PHF24: variants seen among roughly 807,000 people sequenced by gnomAD.
The protein encoded by PHF24 is PHD finger protein 24.
PHF24 carries 25 observed loss-of-function variants against 42.6 expected under a neutral mutation model. The ratio of observed to expected loss-of-function variants is 0.59; its 90% CI spans 0.43 to 0.82. PHF24 has a LOEUF of 0.82. Ranked by LOEUF, PHF24 falls within the 40% of genes least tolerant of loss-of-function variation. The probability of loss-of-function intolerance (pLI) is 0.00; values close to 1 mark genes in which losing one functional copy is unlikely to be tolerated. For synonymous variants in PHF24, 185 were observed against 204.8 expected (o/e 0.90, Z 0.83); for missense variants, 470 against 538.1 (o/e 0.87, Z 1.25).
the PHF24 span, among the ~76,000 whole-genome samples, chr9:34,751,767 C>T: frequency 1.3e-5 from 2 of 152,232 alleles, no homozygotes; most frequent in African/African-American, 4.8e-5. Flanking sequence ...CTCCTCAGCA[C>T]ATGGATCATT....
At chr9:34,831,637 C>G in the PHF24 span, among the ~76,000 whole-genome samples, 1 of 152,164 alleles carries the variant, frequency 6.6e-6, no homozygotes, top group African/African-American at 2.4e-5. Context: ...TTTCTCTATT[C>G]TCATGTCCTG....
the PHF24 span, among the ~76,000 whole-genome samples, chr9:34,902,073 A>G: frequency 6.6e-6 from 1 of 152,242 alleles, no homozygotes; most frequent in South Asian, 2.1e-4. Flanking sequence ...ATACCTTACT[A>G]ATAAAGTAAA....
At chr9:34,921,719 G>C in the PHF24 span, among the ~76,000 whole-genome samples, 523 of 152,266 alleles carry the variant, frequency 3.4e-3, 4 homozygotes, top group Middle Eastern at 0.041. Context: ...TTAACATGTG[G>C]TATCTGTGGG....
chr9:34,926,684 G>A, the PHF24 span, among the ~76,000 whole-genome samples: 1 of 152,062 alleles, frequency 6.6e-6, no homozygotes, highest in Non-Finnish European at 1.5e-5. The surrounding 1 kb of genome is among the most constrained non-coding windows in gnomAD (Gnocchi z 4.3). Context: ...AGACAGGTCT[G>A]GGGGCAGGCA....
the PHF24 span, among the ~76,000 whole-genome samples, chr9:34,674,131 C>T: frequency 1.8e-4 from 27 of 152,228 alleles, 1 homozygote; most frequent in East Asian, 2.3e-3. Flanking sequence ...CGTTTGCAAC[C>T]GAAAAAGCCC....
chr9:34,964,201 C>T (rs1237766906), intron 1 of PHF24, among the ~76,000 whole-genome samples: 2 of 152,124 alleles, frequency 1.3e-5, no homozygotes, highest in African/African-American at 4.8e-5. Context: ...CTTGTTCCTT[C>T]CTAGGGAAGC....
the PHF24 span, among the ~76,000 whole-genome samples, chr9:34,825,829 C>T: frequency 1.3e-5 from 2 of 152,152 alleles, no homozygotes; most frequent in African/African-American, 4.8e-5. Flanking sequence ...CGTATCTTCC[C>T]CCTCTGCCCT....
At chr9:34,966,754 T>G (rs1269050925) in intron 1 of PHF24, among the ~76,000 whole-genome samples, 1 of 152,286 alleles carries the variant, frequency 6.6e-6, no homozygotes, top group South Asian at 2.1e-4. Context: ...GTAGTGGCTA[T>G]TCACAGGCAC....
the PHF24 span, among the ~76,000 whole-genome samples, chr9:34,897,469 T>C: frequency 6.6e-6 from 1 of 152,246 alleles, no homozygotes; most frequent in African/African-American, 2.4e-5. Context: ...ACAACCATCT[T>C]ATTCATAAAT....
At chr9:34,972,251 ACT>A in intron 2 of PHF24, 93 bp from the exon 3 acceptor site, 2 of 1,110,846 alleles carry the variant, frequency 1.8e-6, no homozygotes, top group East Asian at 2.5e-5. Context: ...ATCTGGGAAG[ACT>A]CAGCCCCATG....
chr9:34,747,606 T>A, the PHF24 span, among the ~76,000 whole-genome samples: 16 of 152,124 alleles, frequency 1.1e-4, no homozygotes, highest in African/African-American at 3.9e-4. Context: ...GTTACTAATA[T>A]AGGCCTACCA....
the PHF24 span, chr9:34,837,744 T>G: frequency 6.3e-6 from 8 of 1,277,334 alleles, no homozygotes; most frequent in Non-Finnish European, 6.7e-6. Context: ...GACACCATTT[T>G]CTTTCTCATG....
chr9:34,853,553 G>T, the PHF24 span, among the ~76,000 whole-genome samples: 1 of 152,144 alleles, frequency 6.6e-6, no homozygotes, highest in Admixed American at 6.5e-5. Context: ...GCTCGGCCGG[G>T]CGCGGTGGCT....
chr9:34,871,731 C>T, the PHF24 span, among the ~76,000 whole-genome samples: 3 of 151,848 alleles, frequency 2.0e-5, no homozygotes, highest in Admixed American at 2.0e-4. Flanking sequence ...TTTCTGGGCT[C>T]TCTATTCTGT....
At chr9:34,800,524 A>C in the PHF24 span, among the ~76,000 whole-genome samples, 160 of 152,244 alleles carry the variant, frequency 1.1e-3, 1 homozygote, top group Non-Finnish European at 3.5e-4. Flanking sequence ...CACATCTACA[A>C]CCGTCTGATC....
chr9:34,855,345 G>C, the PHF24 span, among the ~76,000 whole-genome samples: 1 of 152,182 alleles, frequency 6.6e-6, no homozygotes, highest in Admixed American at 6.5e-5. Context: ...TTGCAGACTT[G>C]TTTGTGTGGT....
At chr9:34,837,401 G>C in the PHF24 span, 1 of 429,684 alleles carries the variant, frequency 2.3e-6, no homozygotes, top group Admixed American at 3.7e-5. Context: ...ACTTCCACAG[G>C]TTTTAAAACT....
chr9:34,773,146 A>T, the PHF24 span, among the ~76,000 whole-genome samples: 1 of 152,094 alleles, frequency 6.6e-6, no homozygotes, highest in Non-Finnish European at 1.5e-5. Context: ...ATGCGACACC[A>T]CGCCCAGCTA....
chr9:34,889,999 G>A, the PHF24 span, among the ~76,000 whole-genome samples: 1 of 152,168 alleles, frequency 6.6e-6, no homozygotes. Context: ...GATGCTCTTG[G>A]AACTCAAGGT....
Sources: gnomAD v4.1 joint callset for allele counts (sites outside exome capture counted in the v4.1 genomes callset) on GRCh38, gnomAD v4.1.1 for gene constraint, Gnocchi (gnomAD v3.1) non-coding constraint, MANE v1.5 for transcripts, NCBI Gene and HGNC (gene_info 2026-07-23, HGNC 2026-07-21) for gene names.